Variants in RARB observed in about 807,000 individuals in gnomAD.
RARB encodes retinoic acid receptor beta.
RARB carries 17 observed loss-of-function variants against 51.9 expected under a neutral mutation model. That is an observed-to-expected ratio of 0.33 (90% CI 0.22 to 0.49). RARB has a LOEUF of 0.49. Ranked by LOEUF, RARB falls within the 20% of genes least tolerant of loss-of-function variation. RARB has a pLI of 0.99. For synonymous variants in RARB, 215 were observed against 195.4 expected, an observed-to-expected ratio of 1.10 and a Z score of -0.84; for missense variants, 369 against 550.8, an observed-to-expected ratio of 0.67 and a Z score of 3.30.
intron 2 of RARB, among the ~76,000 whole-genome samples, chr3:24,946,628 G>C (rs181344540): frequency 6.6e-6 from 1 of 152,060 alleles, no homozygotes; most frequent in East Asian, 1.9e-4. Context: ...TGGCACTTTG[G>C]GAGGCTGAGG....
intron 3 of RARB, among the ~76,000 whole-genome samples, chr3:25,512,181 G>A (rs141357209): frequency 1.1e-4 from 16 of 152,264 alleles, no homozygotes; most frequent in African/African-American, 2.4e-4. Flanking sequence ...TTACTGTTCC[G>A]GTATCTGTTA....
At chr3:24,840,713 C>A in intron 1 of RARB, among the ~76,000 whole-genome samples, 1 of 139,298 alleles carries the variant, frequency 7.2e-6, no homozygotes, top group Non-Finnish European at 1.5e-5. Flanking sequence ...CCTACAGAAC[C>A]ATTTTCTTTA....
At chr3:25,077,360 C>A (rs1603988) in intron 3 of RARB, among the ~76,000 whole-genome samples, 109,310 of 152,028 alleles carry the variant, frequency 0.72, 40,084 homozygotes, top group East Asian at 0.83. Context: ...GTTCTTCCTC[C>A]GTTCTCCTCC....
intron 4 of RARB, 133 bp from the exon 5 acceptor site, chr3:25,580,413 G>A: frequency 1.3e-6 from 1 of 795,056 alleles, no homozygotes; most frequent in Non-Finnish European, 1.9e-6. Flanking sequence ...TAAAAAAAAT[G>A]TAGCTGTCCC....
intron 4 of RARB, among the ~76,000 whole-genome samples, chr3:25,160,600 T>C (rs969102099): frequency 6.6e-6 from 1 of 152,222 alleles, no homozygotes; most frequent in African/African-American, 2.4e-5. Flanking sequence ...TGGCTCATGC[T>C]CTTGATTAGG....
At chr3:25,171,643 T>TTAAAAAAAAAAAAA (rs1553639737) in intron 4 of RARB, among the ~76,000 whole-genome samples, 7 of 45,464 alleles carry the variant, frequency 1.5e-4, no homozygotes, top group African/African-American at 2.4e-4. Flanking sequence ...CCCTGGTTGG[T>TTAAAAAAAAAAAAA]AAAAAAAAAA....
intron 3 of RARB, among the ~76,000 whole-genome samples, chr3:25,106,400 C>T (rs993970004): frequency 1.3e-4 from 20 of 151,398 alleles, no homozygotes; most frequent in Non-Finnish European, 2.4e-4. Flanking sequence ...CTCAGCCTCC[C>T]GAGTAGCTGG....
upstream of RARB, among the ~76,000 whole-genome samples, chr3:25,424,708 ATCT>A (rs1458601166): frequency 4.6e-5 from 7 of 152,084 alleles, no homozygotes; most frequent in East Asian, 1.9e-4. Context: ...GCCTCTGAAA[ATCT>A]TCTTATTTAG....
chr3:24,996,264 T>C (rs1471775927), intron 2 of RARB, among the ~76,000 whole-genome samples: 1 of 152,088 alleles, frequency 6.6e-6, no homozygotes, highest in Non-Finnish European at 1.5e-5. Flanking sequence ...TATAGTAATC[T>C]TGAATGATCC....
At chr3:25,574,545 G>A (rs1423200995) in intron 4 of RARB, among the ~76,000 whole-genome samples, 2 of 152,184 alleles carry the variant, frequency 1.3e-5, no homozygotes, top group African/African-American at 4.8e-5. Flanking sequence ...CCCCCAGCTC[G>A]TGCTGTCTGC....
At chr3:25,053,045 G>T (rs1698368592) in intron 2 of RARB, among the ~76,000 whole-genome samples, 1 of 152,130 alleles carries the variant, frequency 6.6e-6, no homozygotes, top group African/African-American at 2.4e-5. Flanking sequence ...AGTTCAGAGT[G>T]AAAATTAATT....
At chr3:25,064,950 T>C (rs1437980162) in intron 3 of RARB, among the ~76,000 whole-genome samples, 1 of 152,170 alleles carries the variant, frequency 6.6e-6, no homozygotes, top group East Asian at 1.9e-4. Flanking sequence ...TAACCCAGCT[T>C]ATGTGAGCCA....
At chr3:25,265,295 A>G (rs562063096) in intron 5 of RARB, among the ~76,000 whole-genome samples, 37 of 152,298 alleles carry the variant, frequency 2.4e-4, no homozygotes, top group African/African-American at 8.9e-4. Flanking sequence ...TGAGTTTATA[A>G]AAGTTACAAT....
chr3:25,114,990 C>A (rs919023209), intron 3 of RARB, among the ~76,000 whole-genome samples: 5 of 152,116 alleles, frequency 3.3e-5, no homozygotes, highest in African/African-American at 9.7e-5. Context: ...TCAGGTTTCC[C>A]TTTTAGTGCT....
chr3:25,323,553 A>T (rs945758986), intron 5 of RARB, among the ~76,000 whole-genome samples: 1 of 152,218 alleles, frequency 6.6e-6, no homozygotes, highest in African/African-American at 2.4e-5. Flanking sequence ...AATGAAAACT[A>T]TGAAAGTATG....
intron 5 of RARB, among the ~76,000 whole-genome samples, chr3:25,244,583 C>T (rs115408246): frequency 0.03 from 4,511 of 152,222 alleles, 95 homozygotes; most frequent in East Asian, 0.042. Context: ...AGTAGTCACT[C>T]AGGAGCAGGT....
intron 5 of RARB, among the ~76,000 whole-genome samples, chr3:25,189,596 T>A (rs2125362542): frequency 6.6e-6 from 1 of 152,188 alleles, no homozygotes; most frequent in South Asian, 2.1e-4. Context: ...CAGAAAATCC[T>A]CAGTTGTTGG....
At chr3:24,861,849 C>T (rs1702754880) in intron 2 of RARB, among the ~76,000 whole-genome samples, 1 of 152,178 alleles carries the variant, frequency 6.6e-6, no homozygotes, top group Non-Finnish European at 1.5e-5. Context: ...GTAGCTTTGA[C>T]TTGTTGGATG....
intron 3 of RARB, among the ~76,000 whole-genome samples, chr3:25,569,508 G>A (rs978086229): frequency 2.0e-5 from 3 of 152,188 alleles, no homozygotes; most frequent in Non-Finnish European, 4.4e-5. Flanking sequence ...TGAGCCTCCT[G>A]GGTGAGCCCA....
Sources: allele counts gnomAD v4.1 joint callset (sites outside exome capture counted in the v4.1 genomes callset), GRCh38; gene constraint gnomAD v4.1.1; transcripts MANE v1.5; gene names NCBI Gene and HGNC (gene_info 2026-07-23, HGNC 2026-07-21).